COL28A1: variants seen among roughly 807,000 people sequenced by gnomAD.
COL28A1 encodes the protein collagen alpha-1(XXVIII) chain.
In COL28A1, 161 loss-of-function variants were observed where a neutral mutation model predicts 150.2. The observed-to-expected ratio is 1.07, with a 90% CI of 0.94 to 1.22. The LOEUF (loss-of-function observed/expected upper bound fraction) is 1.22. Among genes scored for constraint, COL28A1 ranks in the 50% most tolerant of loss-of-function variants. The pLI, the probability that COL28A1 is intolerant of heterozygous loss-of-function variation, is 0.00. For synonymous variants in COL28A1, 552 were observed against 469.7 expected, an observed-to-expected ratio of 1.18 and a Z score of -2.26; for missense variants, 1,617 against 1,388.3, an observed-to-expected ratio of 1.16 and a Z score of -2.62.
Position 7,477,360 on chromosome 7 carries a change from A to G in COL28A1, c.1165-180T>C, listed in dbSNP as rs529156562. Among the ~76,000 whole-genome samples, 18 of 152,374 alleles carry G rather than the reference A, an allele frequency of 1.2e-4. No individual in the cohort carries two copies. In the South Asian group the frequency reaches 2.5e-3, roughly 21 times the overall value. On this transcript the variant is annotated intron_variant, in intron 13 of 34. Transcript: ENST00000399429. ...CTTTTTCTACTTTATTAGTTCCTAA[A>G]TACTATAGCATAATAACTATTTACA...
At chr7:7,524,136 G>A (rs1282697411) in intron 4 of COL28A1, 93 bp downstream of exon 4, 3 of 790,296 alleles carry the variant, frequency 3.8e-6, no homozygotes, top group African/African-American at 3.4e-5. Context: ...TTTTTATTTA[G>A]TCACACTTAA....
intron 25 of COL28A1, among the ~76,000 whole-genome samples, chr7:7,429,500 CGTGT>C (rs1170181272): frequency 6.7e-6 from 1 of 148,546 alleles, no homozygotes; most frequent in African/African-American, 2.5e-5. Flanking sequence ...TGTGTGTATG[CGTGT>C]GTGTTTCCAG....
chr7:7,461,268 G>A (rs1271832023), intron 15 of COL28A1, among the ~76,000 whole-genome samples: 19 of 152,220 alleles, frequency 1.2e-4, no homozygotes, highest in Admixed American at 1.2e-3. Context: ...AGCCATCTCT[G>A]CCTCACATCA....
intron 20 of COL28A1, among the ~76,000 whole-genome samples, chr7:7,442,097 C>CTT (rs1191995143): frequency 6.6e-6 from 1 of 152,176 alleles, no homozygotes; most frequent in Admixed American, 6.5e-5. Flanking sequence ...GGCTATGTAA[C>CTT]ATGTTCCTAC....
At chr7:7,436,322 T>G in intron 23 of COL28A1, 73 bp downstream of exon 23, 1 of 852,068 alleles carries the variant, frequency 1.2e-6, no homozygotes, top group Non-Finnish European at 2.0e-6. Context: ...AGTAGAAAAA[T>G]CAACTTATGC....
intron 15 of COL28A1, among the ~76,000 whole-genome samples, chr7:7,472,479 C>A (rs1322083322): frequency 6.6e-6 from 1 of 151,000 alleles, no homozygotes; most frequent in Admixed American, 6.6e-5. Flanking sequence ...AGGCGAAGGA[C>A]CTCTACAGGG....
At chr7:7,377,088 C>A (rs1307426205) in intron 30 of COL28A1, among the ~76,000 whole-genome samples, 1 of 152,142 alleles carries the variant, frequency 6.6e-6, no homozygotes, top group African/African-American at 2.4e-5. Flanking sequence ...CTTGTGCAAT[C>A]TGTGTATGTT....
chr7:7,390,801 G>C (rs1782496262), intron 27 of COL28A1, among the ~76,000 whole-genome samples: 2 of 152,136 alleles, frequency 1.3e-5, no homozygotes, highest in African/African-American at 4.8e-5. Context: ...AGTATTCTCT[G>C]ATGGTAGTTG....
rs1583389587 is a variant in COL28A1 at position 7,444,313 on chromosome 7, G to A, written c.1581+105C>T. 20 of 1,495,986 alleles carry A rather than the reference G, an allele frequency of 1.3e-5. No homozygotes were observed. In the East Asian group the frequency reaches 4.6e-4, roughly 34 times the overall value. 92.7% of individuals were successfully genotyped at this position (1,495,986 alleles called of 1,614,324 possible). On this transcript the variant is annotated intron_variant, in intron 19 of 34. Transcript: ENST00000399429. ...GGATTGTGAGATATTTTTTCTTAAAGAAACTAAGTTTGTCCTGAATGGTTT... is the reference window on the plus strand; with the variant it reads ...GGATTGTGAGATATTTTTTCTTAAAAAAACTAAGTTTGTCCTGAATGGTTT...
chr7:7,503,069 T>C lies in COL28A1; in HGVS notation c.1026+2945A>G, dbSNP rs566241705. On this transcript the variant is annotated intron_variant, in intron 11 of 34. Transcript: ENST00000399429. The stretch of plus-strand genomic sequence containing the variant: ...AACAAACTGTTGTCCCTAGCCAGAG[T>C]CCACCAGAAGGGAAGACAGATAGAA... 3.9e-5 allele frequency among the ~76,000 whole-genome samples: 6 copies of C among 152,120 alleles called. No individual in the cohort carries two copies. In the South Asian group the frequency reaches 1.2e-3, roughly 32 times the overall value.
chr7:7,361,981 G>T (rs1780691981), intron 33 of COL28A1, among the ~76,000 whole-genome samples: 1 of 152,120 alleles, frequency 6.6e-6, no homozygotes, highest in Non-Finnish European at 1.5e-5. Context: ...GTTGAACAAT[G>T]AAAACACATG....
chr7:7,395,643 G>C (rs182033770), intron 27 of COL28A1, among the ~76,000 whole-genome samples: 33 of 152,278 alleles, frequency 2.2e-4, no homozygotes, highest in African/African-American at 7.7e-4. Context: ...GGTTGGTTGA[G>C]AGCACTTGCT....
downstream of COL28A1, among the ~76,000 whole-genome samples, chr7:7,353,199 A>C (rs747414662): frequency 2.0e-5 from 3 of 152,180 alleles, no homozygotes; most frequent in African/African-American, 7.2e-5. Context: ...TAGTTCCTAA[A>C]CTGAAGTCTG....
the COL28A1 span, among the ~76,000 whole-genome samples, chr7:7,342,866 T>C: frequency 6.6e-6 from 1 of 152,066 alleles, no homozygotes; most frequent in Non-Finnish European, 1.5e-5. Flanking sequence ...GGTTTTCCAC[T>C]GGGAATCATT....
At chr7:7,452,237 C>G in intron 18 of COL28A1, 82 bp downstream of exon 18, 3 of 1,552,796 alleles carry the variant, frequency 1.9e-6, no homozygotes, top group Non-Finnish European at 2.6e-6. Context: ...CACACAGAGT[C>G]TGTAAGGCAA....
intron 25 of COL28A1, among the ~76,000 whole-genome samples, chr7:7,422,872 T>C (rs1050344283): frequency 2.6e-5 from 4 of 152,242 alleles, no homozygotes; most frequent in African/African-American, 9.6e-5. Context: ...GAGGATATCA[T>C]CAGCAAATCC....
At chr7:7,433,637 T>TA (rs35394135) in intron 23 of COL28A1, among the ~76,000 whole-genome samples, 13,157 of 132,020 alleles carry the variant, frequency 0.1, 645 homozygotes, top group Middle Eastern at 0.2. Flanking sequence ...CTGTCTCATT[T>TA]AAAAAAAAAA....
chr7:7,366,644 A>G (rs1780945851), intron 33 of COL28A1, among the ~76,000 whole-genome samples: 1 of 152,110 alleles, frequency 6.6e-6, no homozygotes, highest in African/African-American at 2.4e-5. Flanking sequence ...AGAGAATGCT[A>G]ATTTTATTTT....
At position 7,520,106 on chromosome 7, in the gene COL28A1, CATGT is replaced by C; in HGVS notation, c.765_768del (p.His256GlufsTer49). The C allele has an allele frequency of 7.4e-7, 1 of 1,346,314 alleles. No individual in the cohort carries two copies. Among genetic ancestry groups the C allele is most frequent in the Non-Finnish European group, 1.1e-6 (1 of 937,488 alleles). The allele number at this position is 1,346,314 out of a possible 1,614,324, so 83.4% of individuals were successfully genotyped here. On this transcript the variant is annotated frameshift_variant, in exon 6 of 35. Transcript: ENST00000399429. LOFTEE classifies it high-confidence loss of function. ...CGCTCACCTTTGATACCTGGATTTC[CATGT>C]GTACCCTGAAGGCAAAGGGAAAAAA...
Sources: gnomAD v4.1 joint callset for allele counts (sites outside exome capture counted in the v4.1 genomes callset) on GRCh38, gnomAD v4.1.1 for gene constraint, MANE v1.5 for transcripts, NCBI Gene and HGNC (gene_info 2026-07-23, HGNC 2026-07-21) for gene names.